The following FAM110B variants were observed in gnomAD, a reference collection of about 807,000 sequenced individuals.
The protein encoded by FAM110B is protein FAM110B.
In FAM110B, 6 loss-of-function variants were observed where a neutral mutation model predicts 20.4. The observed-to-expected ratio is 0.29, with a 90% CI of 0.16 to 0.58. The LOEUF is 0.58. FAM110B is among the 20% of genes least tolerant of loss of function. The probability of loss-of-function intolerance (pLI) is 0.90; values close to 1 mark genes in which losing one functional copy is unlikely to be tolerated. For synonymous variants in FAM110B, 226 were observed against 214.1 expected, an observed-to-expected ratio of 1.06 and a Z score of -0.49; for missense variants, 434 against 498.2, an observed-to-expected ratio of 0.87 and a Z score of 1.23.
At chr8:58,132,397 A>ATT (rs11383772) in intron 3 of FAM110B, among the ~76,000 whole-genome samples, 1 of 146,772 alleles carries the variant, frequency 6.8e-6, no homozygotes. Flanking sequence ...GCTGGCCAGT[A>ATT]TTTTTTTTTT....
chr8:58,085,108 C>T (rs1050383003), intron 3 of FAM110B, among the ~76,000 whole-genome samples: 17 of 152,200 alleles, frequency 1.1e-4, no homozygotes, highest in Non-Finnish European at 2.9e-5. Flanking sequence ...CATTTACTCT[C>T]CTAGTTGTAT....
At chr8:58,127,706 T>C (rs571351922) in intron 3 of FAM110B, among the ~76,000 whole-genome samples, 4 of 152,282 alleles carry the variant, frequency 2.6e-5, no homozygotes, top group Non-Finnish European at 2.9e-5. Flanking sequence ...ACCATTTACA[T>C]TGGCTCAAAA....
intron 1 of FAM110B, among the ~76,000 whole-genome samples, chr8:58,015,346 A>T (rs1454619457): frequency 6.7e-6 from 1 of 148,672 alleles, no homozygotes; most frequent in East Asian, 2.0e-4. Flanking sequence ...GACAGAGCAA[A>T]ACTCTGTCTC....
chr8:58,002,938 G>T (rs1275878062), intron 1 of FAM110B, among the ~76,000 whole-genome samples: 1 of 152,124 alleles, frequency 6.6e-6, no homozygotes, highest in African/African-American at 2.4e-5. Flanking sequence ...GAAGTTTGCT[G>T]CATCAACTGA....
chr8:57,996,695 C>T (rs1334669912), intron 1 of FAM110B, among the ~76,000 whole-genome samples: 1 of 152,184 alleles, frequency 6.6e-6, no homozygotes, highest in Non-Finnish European at 1.5e-5. Flanking sequence ...TTCCTTACCT[C>T]CCCTGCACTC....
intron 2 of FAM110B, among the ~76,000 whole-genome samples, chr8:58,071,966 T>G (rs1805909825): frequency 6.6e-6 from 1 of 151,838 alleles, no homozygotes; most frequent in Non-Finnish European, 1.5e-5. Flanking sequence ...TCAGTGAGAG[T>G]GGTTTTGCTC....
chr8:58,029,523 T>A (rs1390832061), intron 1 of FAM110B, among the ~76,000 whole-genome samples: 1 of 151,660 alleles, frequency 6.6e-6, no homozygotes, highest in Admixed American at 6.6e-5. Flanking sequence ...GTTGTAATCA[T>A]GCTGATTAGA....
At chr8:58,077,212 G>A (rs1806059089) in intron 3 of FAM110B, 1 of 152,256 alleles carries the variant, frequency 6.6e-6, no homozygotes. Context: ...TTGCGGAGCT[G>A]AGGTTGTAGA....
In FAM110B at chr8:58,024,188, G is replaced by A. The variant is rs200235111; in HGVS notation, c.-511-7418G>A. 4.2e-5 allele frequency among the ~76,000 whole-genome samples: 3 copies of A among 70,932 alleles called. No individual in the cohort carries two copies. In the Admixed American group the frequency reaches 4.5e-4, roughly 11 times the overall value. The allele number at this position is 70,932 out of a possible 152,430, so 46.5% of individuals were successfully genotyped here. A position where few individuals can be genotyped will look rare whatever the true frequency, so the allele number is the denominator to read the frequency against. On this transcript the variant is annotated intron_variant, in intron 1 of 3. Transcript: ENST00000519262. Reference sequence around the variant, plus strand: ...TTCACTGTGCTTTTTTTTTTTTTTTGTAAAACCCAGAGAAATATACGGATC... The same window carrying A: ...TTCACTGTGCTTTTTTTTTTTTTTTATAAAACCCAGAGAAATATACGGATC...
intron 3 of FAM110B, chr8:58,113,267 T>A (rs1054991916): frequency 4.0e-5 from 7 of 174,714 alleles, no homozygotes; most frequent in Non-Finnish European, 8.9e-5. Flanking sequence ...TGGCTTTCTG[T>A]CCAAGGATCT....
chr8:58,092,354 T>TCATCTAC (rs1333062201), intron 3 of FAM110B, among the ~76,000 whole-genome samples: 1 of 152,176 alleles, frequency 6.6e-6, no homozygotes, highest in African/African-American at 2.4e-5. Context: ...CATCAACCCG[T>TCATCTAC]CATCTACATT....
intron 2 of FAM110B, among the ~76,000 whole-genome samples, chr8:58,063,793 A>G (rs1296078525): frequency 6.6e-6 from 1 of 152,146 alleles, no homozygotes; most frequent in Non-Finnish European, 1.5e-5. Context: ...ATATGCTATC[A>G]TTTATTTAAC....
chr8:58,025,807 C>G (rs1490820832), intron 1 of FAM110B, among the ~76,000 whole-genome samples: 3 of 152,194 alleles, frequency 2.0e-5, no homozygotes, highest in African/African-American at 2.4e-5. Context: ...CTCTCTATAA[C>G]TTCTGCTACT....
chr8:58,142,342 C>T (rs1803760908), intron 3 of FAM110B, among the ~76,000 whole-genome samples: 1 of 152,150 alleles, frequency 6.6e-6, no homozygotes, highest in South Asian at 2.1e-4. Context: ...GGGTCTCACC[C>T]GAAATCTACC....
chr8:58,060,855 C>A (rs893578774), intron 2 of FAM110B, among the ~76,000 whole-genome samples: 4 of 152,136 alleles, frequency 2.6e-5, no homozygotes, highest in African/African-American at 4.8e-5. Context: ...GCCTCTCAAG[C>A]ATGAGAGCTC....
intron 3 of FAM110B, among the ~76,000 whole-genome samples, chr8:58,133,100 C>T (rs1163457676): frequency 6.6e-6 from 1 of 151,916 alleles, no homozygotes; most frequent in African/African-American, 2.4e-5. Flanking sequence ...GTATTTTGCC[C>T]TCCCAGCAAT....
intron 3 of FAM110B, among the ~76,000 whole-genome samples, chr8:58,083,012 TAAA>T (rs771811665): frequency 7.3e-6 from 1 of 136,948 alleles, no homozygotes; most frequent in African/African-American, 2.7e-5. Context: ...CCCTGATTCT[TAAA>T]AAAAAAAAAA....
intron 1 of FAM110B, among the ~76,000 whole-genome samples, chr8:58,001,755 A>G (rs528640693): frequency 6.6e-6 from 1 of 152,220 alleles, no homozygotes; most frequent in Non-Finnish European, 1.5e-5. Context: ...ATACTTAAGT[A>G]TCTTCATTTT....
chr8:58,060,856 A>G (rs1411822105), intron 2 of FAM110B, among the ~76,000 whole-genome samples: 1 of 152,130 alleles, frequency 6.6e-6, no homozygotes, highest in African/African-American at 2.4e-5. Flanking sequence ...CCTCTCAAGC[A>G]TGAGAGCTCA....
Sources: gnomAD v4.1 joint callset for allele counts (sites outside exome capture counted in the v4.1 genomes callset) on GRCh38, gnomAD v4.1.1 for gene constraint, MANE v1.5 for transcripts, NCBI Gene and HGNC (gene_info 2026-07-23, HGNC 2026-07-21) for gene names.